Variants in ITPR1 observed in about 807,000 individuals in gnomAD.
The protein encoded by ITPR1 is inositol 1,4,5-trisphosphate-gated calcium channel ITPR1.
Under a neutral mutation model 318.4 loss-of-function variants are expected in ITPR1, and 96 were observed. That is an observed-to-expected ratio of 0.30 (90% confidence interval 0.26 to 0.36). The LOEUF (loss-of-function observed/expected upper bound fraction) is 0.36. ITPR1 is among the 10% of genes least tolerant of loss of function. The probability of loss-of-function intolerance (pLI) is 1.00; values close to 1 mark genes in which losing one functional copy is unlikely to be tolerated. For missense variants in ITPR1, 2,440 were observed against 3,460.2 expected, an observed-to-expected ratio of 0.71 and a Z score of 7.40; for synonymous variants, 1,312 against 1,289.9, an observed-to-expected ratio of 1.02 and a Z score of -0.37.
chr3:4,812,131 C>T (rs2048978648), intron 56 of ITPR1, among the ~76,000 whole-genome samples: 1 of 151,778 alleles, frequency 6.6e-6, no homozygotes, highest in African/African-American at 2.4e-5. Flanking sequence ...CCTCCAACCT[C>T]CCGAGCTCAA....
intron 60 of ITPR1, among the ~76,000 whole-genome samples, chr3:4,824,186 T>C (rs1244113605): frequency 2.0e-5 from 3 of 152,172 alleles, no homozygotes; most frequent in Non-Finnish European, 4.4e-5. Context: ...CGCTGCCGTT[T>C]CTGGAGGAGC....
rs143538497 is a variant in ITPR1, at chr3:4,605,953, G to GA, written c.164-21805dup. ...GAAAGAGAGAAGGGATCGTGGGGAG[G>GA]AAAAATCTTAGCTTTGGCTGTCAGG... On this transcript the variant is annotated intron_variant, in intron 4 of 61. Coordinates refer to ENST00000649015, the MANE Select transcript of ITPR1 (RefSeq NM_001378452.1). Among the ~76,000 whole-genome samples the GA allele has an allele frequency of 4.9e-3, 746 of 152,218 alleles. 10 individuals carry two copies. The highest frequency in any genetic ancestry group is 0.017 in the African/African-American group (714 of 41,558).
At chr3:4,845,979 T>C (rs1040200263) in intron 61 of ITPR1, among the ~76,000 whole-genome samples, 160 bp from the exon 62 acceptor site, 3 of 152,218 alleles carry the variant, frequency 2.0e-5, no homozygotes, top group Non-Finnish European at 4.4e-5. Context: ...AGAAGATGCC[T>C]TTTTTGAAGT....
In ITPR1 at chr3:4,779,458, G is replaced by C; in HGVS notation, c.6292-92G>C. The C allele has an allele frequency of 1.1e-6, 1 of 869,868 alleles. No individual in the cohort carries two copies. The highest frequency in any genetic ancestry group is 2.0e-6 in the Non-Finnish European group (1 of 510,644). 53.9% of individuals were successfully genotyped at this position (869,868 alleles called of 1,614,324 possible). A position where few individuals can be genotyped will look rare whatever the true frequency, so the allele number is the denominator to read the frequency against. ...GGTGAAATGTTCGTCTGTTTAGCCG[G>C]GATGCCTCCCATGTGCCAGTTGGCA... On this transcript the variant is annotated intron_variant, in intron 48 of 61. Coordinates refer to ENST00000649015, the MANE Select transcript of ITPR1 (RefSeq NM_001378452.1). This position sits in a 1 kb window ranked among gnomAD's most constrained non-coding sequence, Gnocchi z 4.0.
At chr3:4,716,162 T>C (rs9822274) in intron 39 of ITPR1, among the ~76,000 whole-genome samples, 50,082 of 152,138 alleles carry the variant, frequency 0.33, 10,176 homozygotes, top group Non-Finnish European at 0.47. Context: ...CTGTGTGCAA[T>C]GCCTACTAAT....
intron 10 of ITPR1, 177 bp downstream of exon 10, chr3:4,645,905 C>G: frequency 1.6e-6 from 1 of 612,192 alleles, no homozygotes; most frequent in Non-Finnish European, 2.8e-6. Context: ...ATATATAAGT[C>G]ACAAACAAGT....
chr3:4,598,123 T>C (rs1296962650), intron 4 of ITPR1, among the ~76,000 whole-genome samples: 2 of 152,238 alleles, frequency 1.3e-5, no homozygotes, highest in Non-Finnish European at 2.9e-5. Flanking sequence ...GCTAGAACTT[T>C]AGTGCTTCCT....
intron 4 of ITPR1, among the ~76,000 whole-genome samples, chr3:4,548,891 A>G (rs1452041740): frequency 6.6e-6 from 1 of 152,226 alleles, no homozygotes; most frequent in African/African-American, 2.4e-5. Flanking sequence ...TGGGAACCCC[A>G]TTAAGAAGAT....
At chr3:4,846,116 G>A (rs1489736256) in intron 61 of ITPR1, 23 bp from the exon 62 acceptor site, 1 of 1,457,680 alleles carries the variant, frequency 6.9e-7, no homozygotes, top group African/African-American at 1.4e-5. Context: ...TGGGTCTAAT[G>A]ATGAAACTTT....
chr3:4,779,716 TCTG>T lies in ITPR1; in HGVS notation c.6387+74_6387+76del. The T allele has an allele frequency of 2.8e-6, 3 of 1,086,936 alleles. No homozygotes were observed. In the South Asian group the frequency reaches 4.0e-5, roughly 14 times the overall value. The allele number at this position is 1,086,936 out of a possible 1,614,324, so 67.3% of individuals were successfully genotyped here. A position where few individuals can be genotyped will look rare whatever the true frequency, so the allele number is the denominator to read the frequency against. ...ACGATATTTGGGACAGAGCAGAGGATCTGCTTCCTGGAGCTTTCTTGAAGGTTC... is the reference window on the plus strand; with the variant it reads ...ACGATATTTGGGACAGAGCAGAGGATCTTCCTGGAGCTTTCTTGAAGGTTC... On this transcript the variant is annotated intron_variant, in intron 49 of 61. Coordinates refer to ENST00000649015, the MANE Select transcript of ITPR1 (RefSeq NM_001378452.1). This position sits in a 1 kb window ranked among gnomAD's most constrained non-coding sequence, Gnocchi z 4.0.
At chr3:4,519,798 C>T (rs1317402302) in intron 3 of ITPR1, among the ~76,000 whole-genome samples, 1 of 152,108 alleles carries the variant, frequency 6.6e-6, no homozygotes, top group East Asian at 1.9e-4. Flanking sequence ...CAAATAGATA[C>T]TGAGCTGCCA....
At chr3:4,687,837 G>T (rs1182708505) in intron 30 of ITPR1, among the ~76,000 whole-genome samples, 1 of 152,212 alleles carries the variant, frequency 6.6e-6, no homozygotes, top group Non-Finnish European at 1.5e-5. Flanking sequence ...GTTAAAAATT[G>T]TACTTGGGAT....
intron 60 of ITPR1, 89 bp downstream of exon 60, chr3:4,818,331 A>C: frequency 9.5e-7 from 1 of 1,052,230 alleles, no homozygotes; most frequent in Non-Finnish European, 1.3e-6. Context: ...GGAGCTGCAC[A>C]ACAGAAGAAT....
In ITPR1 at chr3:4,669,635, T is replaced by C; in HGVS notation, c.1887-19T>C. ...TCTGCTCTATCTACAGAAAATGTTT[T>C]GTTTCTGTTTCTGTTTAGATTCTTA... is the stretch of plus-strand genomic sequence containing the variant. On this transcript the variant is annotated intron_variant, in intron 18 of 61. Coordinates refer to ENST00000649015, the MANE Select transcript of ITPR1 (RefSeq NM_001378452.1). 1 of 1,602,702 alleles carries C rather than the reference T, an allele frequency of 6.2e-7. No homozygotes were observed. Among genetic ancestry groups the C allele is most frequent in the Non-Finnish European group, 8.5e-7 (1 of 1,173,554 alleles).
At chr3:4,524,412 G>A (rs763844664) in intron 4 of ITPR1, among the ~76,000 whole-genome samples, 5 of 138,866 alleles carry the variant, frequency 3.6e-5, no homozygotes, top group Non-Finnish European at 6.1e-5. Context: ...TCATTTTGAT[G>A]TTTAGAAATT....
At chr3:4,688,858 G>C (rs751428998) in intron 31 of ITPR1, among the ~76,000 whole-genome samples, 1 of 152,202 alleles carries the variant, frequency 6.6e-6, no homozygotes, top group Admixed American at 6.5e-5. Flanking sequence ...AGTAAGATAC[G>C]TGTCTATATT....
intron 21 of ITPR1, among the ~76,000 whole-genome samples, chr3:4,673,873 C>T (rs569352003): frequency 1.4e-4 from 22 of 152,294 alleles, no homozygotes; most frequent in East Asian, 7.7e-4. Context: ...TGAGCCACCG[C>T]GCCTGGCCCC....
intron 2 of ITPR1, among the ~76,000 whole-genome samples, chr3:4,501,226 C>T (rs939786072): frequency 2.0e-5 from 3 of 151,780 alleles, no homozygotes; most frequent in Non-Finnish European, 4.4e-5. Context: ...TTCGTGGATA[C>T]TTAAAAAGAA....
chr3:4,682,509 A>G (rs2094319940), intron 26 of ITPR1, among the ~76,000 whole-genome samples: 1 of 152,234 alleles, frequency 6.6e-6, no homozygotes, highest in African/African-American at 2.4e-5. Context: ...ACCAGTGTTA[A>G]TAGTCTACCT....
Sources: allele counts gnomAD v4.1 joint callset (sites outside exome capture counted in the v4.1 genomes callset), GRCh38; gene constraint gnomAD v4.1.1; non-coding constraint Gnocchi (gnomAD v3.1); transcripts MANE v1.5; gene names NCBI Gene and HGNC (gene_info 2026-07-23, HGNC 2026-07-21).